Variants in SLC25A21 observed in about 807,000 individuals in gnomAD.
The protein encoded by SLC25A21 is mitochondrial 2-oxodicarboxylate carrier.
SLC25A21 carries 47 observed loss-of-function variants against 43.8 expected under a neutral mutation model. The ratio of observed to expected loss-of-function variants is 1.07; its 90% CI spans 0.85 to 1.37. The LOEUF (loss-of-function observed/expected upper bound fraction) is 1.37, where lower values mean the gene tolerates loss of function less well. Ranked by LOEUF, SLC25A21 falls within the 40% of genes most tolerant of loss-of-function variation. The probability of loss-of-function intolerance (pLI) is 0.00; values close to 1 mark genes in which losing one functional copy is unlikely to be tolerated. For synonymous variants in SLC25A21, 131 were observed against 121.3 expected, an observed-to-expected ratio of 1.08 and a Z score of -0.52; for missense variants, 352 against 350.2, an observed-to-expected ratio of 1.00 and a Z score of -0.04.
chr14:36,696,857 G>C (rs937508929), intron 7 of SLC25A21, among the ~76,000 whole-genome samples: 3 of 151,854 alleles, frequency 2.0e-5, no homozygotes, highest in African/African-American at 4.8e-5. Flanking sequence ...TTCAAAAAAC[G>C]AGCTCCTGGA....
At chr14:36,815,161 G>A (rs1475348377) in intron 2 of SLC25A21, among the ~76,000 whole-genome samples, 1 of 152,118 alleles carries the variant, frequency 6.6e-6, no homozygotes, top group African/African-American at 2.4e-5. Flanking sequence ...ACACACCAGG[G>A]CCAGTTGGCG....
intron 1 of SLC25A21, among the ~76,000 whole-genome samples, chr14:37,164,778 ACT>A (rs1594828044): frequency 6.6e-6 from 1 of 151,978 alleles, no homozygotes; most frequent in East Asian, 1.9e-4. Flanking sequence ...AAAGCCTTGG[ACT>A]CTCTCCCTAT....
chr14:37,133,148 C>CAT (rs1435774723), intron 1 of SLC25A21, among the ~76,000 whole-genome samples: 1 of 148,266 alleles, frequency 6.7e-6, no homozygotes, highest in East Asian at 1.9e-4. Context: ...CTCGTGCACA[C>CAT]ACACACACAC....
chr14:36,799,259 G>C (rs1887783036), intron 3 of SLC25A21, among the ~76,000 whole-genome samples: 2 of 152,142 alleles, frequency 1.3e-5, no homozygotes, highest in Non-Finnish European at 2.9e-5. Context: ...CAAGGATGTA[G>C]AAAGGTAAAA....
chr14:36,929,805 C>T (rs1334821736), intron 1 of SLC25A21, among the ~76,000 whole-genome samples: 3 of 152,142 alleles, frequency 2.0e-5, no homozygotes, highest in African/African-American at 4.8e-5. Context: ...CAACCATTCC[C>T]GTTTGACAGT....
intron 1 of SLC25A21, among the ~76,000 whole-genome samples, chr14:36,876,941 ACAC>A (rs1890551756): frequency 1.4e-5 from 1 of 71,894 alleles, no homozygotes; most frequent in East Asian, 2.9e-4. Flanking sequence ...AGATAGATAC[ACAC>A]ACACACATAC....
At chr14:36,885,409 G>A (rs770423516) in intron 1 of SLC25A21, among the ~76,000 whole-genome samples, 8 of 152,088 alleles carry the variant, frequency 5.3e-5, no homozygotes, top group East Asian at 3.8e-4. Context: ...TGCCTTCAGC[G>A]TCATGTTTGC....
At chr14:36,869,314 A>G (rs905183583) in intron 2 of SLC25A21, among the ~76,000 whole-genome samples, 1 of 152,176 alleles carries the variant, frequency 6.6e-6, no homozygotes, top group African/African-American at 2.4e-5. Flanking sequence ...CACAGGCAAC[A>G]AAAGAATAAT....
At chr14:36,940,099 T>C (rs1739076121) in intron 1 of SLC25A21, among the ~76,000 whole-genome samples, 1 of 152,182 alleles carries the variant, frequency 6.6e-6, no homozygotes, top group Non-Finnish European at 1.5e-5. Context: ...GTGTATATTC[T>C]AAACTGCGTA....
Position 36,678,560 on chromosome 14 carries a change from C to T in SLC25A21, c.*2098G>A. ...ATTTTGGTGGAGACTTCTTTAAAAC[C>T]ATACCATACAGGGACTCTCCTGTCA... On this transcript the variant is annotated 3_prime_UTR_variant, in exon 10 of 10. Coordinates refer to ENST00000331299, the MANE Select transcript of SLC25A21 (RefSeq NM_030631.4). 6.5e-7 allele frequency: 1 copy of T among 1,535,598 alleles called. No individual in the cohort carries two copies. The highest frequency in any genetic ancestry group is 8.7e-7 in the Non-Finnish European group (1 of 1,146,080).
At chr14:36,932,945 A>C (rs556400743) in intron 1 of SLC25A21, among the ~76,000 whole-genome samples, 1 of 152,270 alleles carries the variant, frequency 6.6e-6, no homozygotes, top group South Asian at 2.1e-4. Context: ...AAGTAAAAGC[A>C]CATTAATTAC....
At chr14:36,766,152 T>C (rs1886408153) in intron 3 of SLC25A21, among the ~76,000 whole-genome samples, 1 of 152,174 alleles carries the variant, frequency 6.6e-6, no homozygotes, top group Non-Finnish European at 1.5e-5. Flanking sequence ...TCAACCATGA[T>C]CTACACCAGA....
intron 1 of SLC25A21, among the ~76,000 whole-genome samples, chr14:36,878,542 T>C (rs938936165): frequency 3.9e-5 from 6 of 152,134 alleles, no homozygotes; most frequent in East Asian, 1.9e-4. Flanking sequence ...AAGATAACCA[T>C]ATAAATAGAA....
chr14:37,161,802 A>T (rs972746367), intron 1 of SLC25A21, among the ~76,000 whole-genome samples: 1 of 151,836 alleles, frequency 6.6e-6, no homozygotes, highest in African/African-American at 2.4e-5. Flanking sequence ...CTACTAAAAA[A>T]AATACAAAAA....
intron 1 of SLC25A21, among the ~76,000 whole-genome samples, chr14:36,910,600 G>C (rs1484691342): frequency 1.3e-5 from 2 of 152,170 alleles, no homozygotes; most frequent in Non-Finnish European, 2.9e-5. Flanking sequence ...GATGTGAAAT[G>C]AAGAAATAAC....
At chr14:36,995,310 G>C (rs541998604) in intron 1 of SLC25A21, among the ~76,000 whole-genome samples, 5 of 152,070 alleles carry the variant, frequency 3.3e-5, no homozygotes, top group African/African-American at 1.2e-4. Flanking sequence ...TTTCCATTTT[G>C]TGCAATTTTA....
Position 36,871,411 on chromosome 14 carries a change from A to G in SLC25A21, c.119+3545T>C, listed in dbSNP as rs1890369599. Among the ~76,000 whole-genome samples, 3 of 152,276 alleles carry G rather than the reference A, an allele frequency of 2.0e-5. No individual in the cohort carries two copies. The South Asian group carries it at 6.2e-4, about 32-fold the overall frequency. ...AATAAATTTCTGTTGTCTATAAGTT[A>G]CCCAGTTTATGATATTTTGTTATAG... On this transcript the variant is annotated intron_variant, in intron 2 of 9. Coordinates refer to ENST00000331299, the MANE Select transcript of SLC25A21 (RefSeq NM_030631.4).
chr14:37,025,610 C>A (rs1961076471), intron 1 of SLC25A21, among the ~76,000 whole-genome samples: 2 of 152,252 alleles, frequency 1.3e-5, no homozygotes, highest in African/African-American at 4.8e-5. Context: ...AACATATATA[C>A]TACAAAGCTG....
intron 3 of SLC25A21, among the ~76,000 whole-genome samples, chr14:36,760,689 T>C (rs1401124638): frequency 6.6e-6 from 1 of 152,168 alleles, no homozygotes; most frequent in African/African-American, 2.4e-5. Flanking sequence ...ATTGTAACTT[T>C]TGAACATTTT....
Sources: gnomAD v4.1 joint callset for allele counts (sites outside exome capture counted in the v4.1 genomes callset) on GRCh38, gnomAD v4.1.1 for gene constraint, MANE v1.5 for transcripts, NCBI Gene and HGNC (gene_info 2026-07-23, HGNC 2026-07-21) for gene names.